Variants in MBNL3 observed in about 807,000 individuals in gnomAD.
MBNL3 encodes muscleblind like splicing regulator 3.
In MBNL3, 6 loss-of-function variants were observed where a neutral mutation model predicts 24.5. The observed-to-expected ratio is 0.25, with a 90% CI of 0.13 to 0.48. The LOEUF (loss-of-function observed/expected upper bound fraction) is 0.48. Among genes scored for constraint, MBNL3 ranks in the 20% least tolerant of loss-of-function variants. The pLI is 0.99. For missense variants in MBNL3, 230 were observed against 293.5 expected (o/e 0.78, Z 1.58); for synonymous variants, 100 against 101.7 (o/e 0.98, Z 0.10).
intron 2 of MBNL3, among the ~76,000 whole-genome samples, chrX:132,414,914 C>T (rs2148338034): frequency 9.0e-6 from 1 of 111,483 alleles, no homozygotes; most frequent in African/African-American, 3.3e-5. Flanking sequence ...CTCCCAAAAG[C>T]TAACAAGATG....
chrX:132,379,726 G>T (rs1462717341), intron 8 of MBNL3, 49 bp from the exon 9 acceptor site: 3 of 1,029,991 alleles, frequency 2.9e-6, no homozygotes, highest in South Asian at 2.0e-5. Flanking sequence ...AATATTGAAA[G>T]GTTATTGAAG....
intron 5 of MBNL3, 63 bp from the exon 6 acceptor site, chrX:132,386,874 C>T: frequency 8.8e-7 from 1 of 1,132,055 alleles, no homozygotes; most frequent in Non-Finnish European, 1.2e-6. Context: ...ACCAAGCAAG[C>T]ACCAGTCATA....
Position 132,379,299 on chromosome X carries a change from A to G in MBNL3, c.*367T>C. On this transcript the variant is annotated 3_prime_UTR_variant, in exon 9 of 9. Coordinates refer to ENST00000370853, the MANE Select transcript of MBNL3 (RefSeq NM_001386889.1). ...GTAACACTTCAAAAACAGATGAACA[A>G]TTTATCCACCAAGAATGTATATAGT... is the stretch of plus-strand genomic sequence containing the variant. 1 of 160,083 alleles carries G rather than the reference A, an allele frequency of 6.2e-6. No homozygotes were observed. The highest frequency in any genetic ancestry group is 1.2e-5 in the Non-Finnish European group (1 of 84,520). 13.2% of individuals were successfully genotyped at this position (160,083 alleles called of 1,213,427 possible).
In MBNL3 at chrX:132,446,937, GA is replaced by G. The variant is rs746451694; in HGVS notation, c.-703-6624del. On this transcript the variant is annotated intron_variant, in intron 1 of 8. Coordinates refer to ENST00000370853, the MANE Select transcript of MBNL3 (RefSeq NM_001386889.1). ...AGTTATTTTTTGTATAAGGTGTAAG[GA>G]AGGGGTCCAGTTTCAGTTTTCTGCA... Among the ~76,000 whole-genome samples the G allele has an allele frequency of 3.3e-3, 365 of 111,847 alleles. 2 individuals carry two copies. The highest frequency in any genetic ancestry group is 0.01 in the African/African-American group (317 of 30,822).
rs919609306 is a variant in MBNL3, at chrX:132,373,170, C to T, written c.*6496G>A. On this transcript the variant is annotated 3_prime_UTR_variant, in exon 9 of 9. Transcript: ENST00000370853. Reference sequence around the variant, plus strand: ...CAGCATGCACACCATGCCATCTATTCATGGGGTATCTTTTGTGATGCTTCT... The same window carrying T: ...CAGCATGCACACCATGCCATCTATTTATGGGGTATCTTTTGTGATGCTTCT... The T allele has an allele frequency of 1.8e-5, 2 of 111,118 alleles. No homozygotes were observed. Among genetic ancestry groups the T allele is most frequent in the Non-Finnish European group, 3.8e-5 (2 of 52,908 alleles). The allele number at this position is 111,118 out of a possible 1,213,427, so 9.2% of individuals were successfully genotyped here.
chrX:132,443,452 T>C (rs1201781591), intron 1 of MBNL3, among the ~76,000 whole-genome samples: 3 of 111,786 alleles, frequency 2.7e-5, no homozygotes, highest in Non-Finnish European at 5.6e-5. Context: ...CAGAATTACA[T>C]TCATGCCTGA....
At position 132,385,054 on chromosome X, in the gene MBNL3, C is replaced by T. The variant is rs184838378; in HGVS notation, c.923-356G>A. The stretch of plus-strand genomic sequence containing the variant: ...ATTTTCTAAATATGCTCCAGAATCT[C>T]GTATCTGGTGTCCGTGTTTCTATTT... On this transcript the variant is annotated intron_variant, in intron 6 of 8. Coordinates refer to ENST00000370853, the MANE Select transcript of MBNL3 (RefSeq NM_001386889.1). 1.4e-4 allele frequency among the ~76,000 whole-genome samples: 16 copies of T among 110,968 alleles called. No individual in the cohort carries two copies. The East Asian group carries it at 2.5e-3, about 18-fold the overall frequency.
intron 1 of MBNL3, among the ~76,000 whole-genome samples, chrX:132,453,245 A>G (rs1313751727): frequency 2.7e-5 from 3 of 111,814 alleles, no homozygotes; most frequent in Non-Finnish European, 3.8e-5. Context: ...GAAGCAGAGC[A>G]GAATCTTACA....
chrX:132,488,690 A>C (rs1948139268), intron 1 of MBNL3, among the ~76,000 whole-genome samples, 161 bp downstream of exon 1: 1 of 112,837 alleles, frequency 8.9e-6, no homozygotes, highest in South Asian at 3.6e-4. Flanking sequence ...GGAGGAGGAA[A>C]GGAGGAGGAA....
intron 2 of MBNL3, among the ~76,000 whole-genome samples, chrX:132,429,562 T>C (rs1944569221): frequency 8.9e-6 from 1 of 112,137 alleles, no homozygotes; most frequent in Non-Finnish European, 1.9e-5. Flanking sequence ...ATGAACTAAA[T>C]ATGAAGGTTA....
intron 7 of MBNL3, among the ~76,000 whole-genome samples, chrX:132,383,263 T>G (rs1407037200): frequency 8.9e-6 from 1 of 112,291 alleles, no homozygotes; most frequent in Non-Finnish European, 1.9e-5. Flanking sequence ...TCATAGAAAC[T>G]GAAAATGTAC....
intron 1 of MBNL3, among the ~76,000 whole-genome samples, chrX:132,457,885 C>T (rs908277541): frequency 9.0e-6 from 1 of 111,302 alleles, no homozygotes; most frequent in Non-Finnish European, 1.9e-5. Flanking sequence ...TTAGTAATTA[C>T]GGAAACAACA....
chrX:132,438,600 G>A (rs1044186262), intron 2 of MBNL3, among the ~76,000 whole-genome samples: 13 of 109,799 alleles, frequency 1.2e-4, no homozygotes, highest in African/African-American at 4.3e-4. Flanking sequence ...ATAATTTATT[G>A]CTTCTATGTT....
At chrX:132,408,756 A>AT (rs1452265905) in intron 2 of MBNL3, among the ~76,000 whole-genome samples, 1 of 112,367 alleles carries the variant, frequency 8.9e-6, no homozygotes, top group Non-Finnish European at 1.9e-5. Context: ...AAAAAAGAGA[A>AT]TTACACTTTA....
chrX:132,456,641 T>G (rs1946387266), intron 1 of MBNL3, among the ~76,000 whole-genome samples: 1 of 112,041 alleles, frequency 8.9e-6, no homozygotes, highest in African/African-American at 3.2e-5. Context: ...TCACAAATTT[T>G]AATTCTAGAC....
At chrX:132,445,215 C>G (rs1399742006) in intron 1 of MBNL3, among the ~76,000 whole-genome samples, 2 of 111,757 alleles carry the variant, frequency 1.8e-5, no homozygotes, top group East Asian at 5.6e-4. Context: ...TTTATTTTGG[C>G]TCTACAAATA....
chrX:132,479,026 G>A (rs1195199348), intron 1 of MBNL3, among the ~76,000 whole-genome samples: 1 of 112,247 alleles, frequency 8.9e-6, no homozygotes, highest in Non-Finnish European at 1.9e-5. Context: ...AAGGCAGGCA[G>A]ATCACCTGAG....
intron 3 of MBNL3, among the ~76,000 whole-genome samples, chrX:132,396,617 T>TATATATTC (rs1226604721): frequency 8.4e-5 from 3 of 35,808 alleles, no homozygotes; most frequent in African/African-American, 3.8e-4. Flanking sequence ...TATATATTCA[T>TATATATTC]ATATATATTC....
At chrX:132,405,614 G>A (rs1941652642) in intron 3 of MBNL3, among the ~76,000 whole-genome samples, 1 of 111,152 alleles carries the variant, frequency 9.0e-6, no homozygotes, top group Admixed American at 9.5e-5. Context: ...CCGGGCTCAC[G>A]CCTGTAATTC....
Sources: gnomAD v4.1 joint callset for allele counts (sites outside exome capture counted in the v4.1 genomes callset) on GRCh38, gnomAD v4.1.1 for gene constraint, MANE v1.5 for transcripts, NCBI Gene and HGNC (gene_info 2026-07-23, HGNC 2026-07-21) for gene names.